Variants in PVT1 observed in about 807,000 individuals in gnomAD.
The protein encoded by PVT1 is Pvt1 oncogene.
intron 3 of PVT1, chr8:127,947,308 A>G (rs1816433215): frequency 4.5e-6 from 1 of 221,614 alleles, no homozygotes; most frequent in South Asian, 7.9e-5. Context: ...AAAGAATTGG[A>G]CAGGGATGGT....
chr8:128,022,638 G>A (rs531943257), intron 4 of PVT1, among the ~76,000 whole-genome samples: 1 of 152,292 alleles, frequency 6.6e-6, no homozygotes, highest in East Asian at 1.9e-4. Context: ...GCAGCAGCAT[G>A]GAACTTGGTA....
intron 4 of PVT1, among the ~76,000 whole-genome samples, chr8:128,050,605 G>A (rs1813680385): frequency 1.3e-5 from 2 of 152,174 alleles, no homozygotes; most frequent in African/African-American, 2.4e-5. Flanking sequence ...TCTGGCTTCA[G>A]AGAGTGCTGG....
chr8:127,991,245 C>T (rs1817037043), intron 4 of PVT1, among the ~76,000 whole-genome samples: 1 of 151,430 alleles, frequency 6.6e-6, no homozygotes, highest in South Asian at 2.1e-4. Context: ...CGGGTTCACG[C>T]CATTCTCCTG....
At chr8:128,057,393 A>G (rs1295550718) in intron 4 of PVT1, among the ~76,000 whole-genome samples, 2 of 152,208 alleles carry the variant, frequency 1.3e-5, no homozygotes, top group African/African-American at 4.8e-5. Context: ...CTATACTGGC[A>G]GGGAGATATG....
chr8:127,841,726 CTTT>C (rs113903934), intron 2 of PVT1, among the ~76,000 whole-genome samples: 1 of 148,820 alleles, frequency 6.7e-6, no homozygotes, highest in Non-Finnish European at 1.5e-5. Context: ...TACACATCTG[CTTT>C]TTTTTTTCTT....
chr8:127,972,831 C>T (rs1031294135), intron 3 of PVT1, among the ~76,000 whole-genome samples: 3 of 152,190 alleles, frequency 2.0e-5, no homozygotes, highest in East Asian at 1.9e-4. Flanking sequence ...AGGACTGGGG[C>T]ATCTGTGCTT....
At chr8:127,989,733 C>T (rs1586470067) in intron 4 of PVT1, among the ~76,000 whole-genome samples, 4 of 152,266 alleles carry the variant, frequency 2.6e-5, no homozygotes, top group Admixed American at 2.0e-4. Flanking sequence ...CCTTTCACCT[C>T]CTTGAATTCT....
chr8:128,079,892 T>C (rs941941178), intron 5 of PVT1, among the ~76,000 whole-genome samples: 10 of 151,988 alleles, frequency 6.6e-5, no homozygotes, highest in African/African-American at 2.2e-4. Flanking sequence ...GCCTGGCTAA[T>C]TTTTTGTATT....
At chr8:127,930,902 A>T (rs1350765430) in intron 3 of PVT1, among the ~76,000 whole-genome samples, 1 of 152,010 alleles carries the variant, frequency 6.6e-6, no homozygotes, top group African/African-American at 2.4e-5. Flanking sequence ...CAAGATATTG[A>T]TGGGGTTTTT....
chr8:127,987,216 G>A (rs1343279080), intron 3 of PVT1, among the ~76,000 whole-genome samples: 9 of 152,216 alleles, frequency 5.9e-5, no homozygotes, highest in Non-Finnish European at 1.3e-4. Flanking sequence ...TTCCCTGGTA[G>A]TTTACAGACT....
chr8:127,872,701 A>G (rs755901000), intron 2 of PVT1, among the ~76,000 whole-genome samples: 11 of 152,244 alleles, frequency 7.2e-5, no homozygotes, highest in Non-Finnish European at 1.3e-4. Context: ...GAGAATTTCA[A>G]TGGAAGCATC....
chr8:128,037,643 C>T (rs530893128), intron 4 of PVT1, among the ~76,000 whole-genome samples: 70 of 152,288 alleles, frequency 4.6e-4, no homozygotes, highest in African/African-American at 1.3e-3. Context: ...AACCCTCCCA[C>T]GTTCTCTGCC....
intron 2 of PVT1, among the ~76,000 whole-genome samples, chr8:127,862,983 G>C (rs2129754363): frequency 6.6e-6 from 1 of 152,222 alleles, no homozygotes; most frequent in East Asian, 1.9e-4. Flanking sequence ...TTCTATGGGG[G>C]ACATTTCTTT....
At chr8:127,895,403 G>A (rs1345340244) in intron 3 of PVT1, among the ~76,000 whole-genome samples, 3 of 152,082 alleles carry the variant, frequency 2.0e-5, no homozygotes, top group Admixed American at 6.5e-5. Context: ...TCTGGGAGGC[G>A]GAGGTTGCAG....
intron 3 of PVT1, among the ~76,000 whole-genome samples, chr8:127,952,681 G>T (rs993168134): frequency 1.3e-5 from 2 of 152,040 alleles, no homozygotes; most frequent in African/African-American, 4.8e-5. Flanking sequence ...CTCATTTTCC[G>T]ATGAGGCAAC....
intron 3 of PVT1, among the ~76,000 whole-genome samples, chr8:127,897,474 G>T (rs911046609): frequency 1.3e-5 from 2 of 148,546 alleles, no homozygotes; most frequent in Non-Finnish European, 3.0e-5. Context: ...AAGTAAGAAA[G>T]AAAGAGAGAA....
chr8:127,894,941 T>C (rs2129811914), intron 3 of PVT1, among the ~76,000 whole-genome samples: 1 of 152,320 alleles, frequency 6.6e-6, no homozygotes, highest in South Asian at 2.1e-4. Flanking sequence ...TGAAGCTAGA[T>C]TGAAAACAAT....
chr8:128,086,826 G>T (rs987551189), intron 5 of PVT1, among the ~76,000 whole-genome samples: 1 of 152,194 alleles, frequency 6.6e-6, no homozygotes, highest in Non-Finnish European at 1.5e-5. Flanking sequence ...TGTCCCTTGG[G>T]CTGCATGGCT....
intron 4 of PVT1, chr8:128,049,179 G>A: frequency 1.9e-6 from 1 of 531,572 alleles, no homozygotes; most frequent in South Asian, 1.4e-5. Context: ...GCTGGGAGGG[G>A]CTGGCTGGGT....
Sources: allele counts gnomAD v4.1 joint callset (sites outside exome capture counted in the v4.1 genomes callset), GRCh38; gene constraint gnomAD v4.1.1; transcripts MANE v1.5; gene names NCBI Gene and HGNC (gene_info 2026-07-23, HGNC 2026-07-21).